ZFPM2: variants seen among roughly 807,000 people sequenced by gnomAD.
ZFPM2 encodes the protein zinc finger protein, FOG family member 2.
Under a neutral mutation model 98.6 loss-of-function variants are expected in ZFPM2, and 20 were observed. The ratio of observed to expected loss-of-function variants is 0.20; its 90% CI spans 0.14 to 0.29. ZFPM2 has a LOEUF of 0.29. Among genes scored for constraint, ZFPM2 ranks in the 10% least tolerant of loss-of-function variants. The pLI, the probability that ZFPM2 is intolerant of heterozygous loss-of-function variation, is 1.00. For synonymous variants in ZFPM2, 518 were observed against 502.7 expected (o/e 1.03, Z -0.41); for missense variants, 1,310 against 1,388.6 (o/e 0.94, Z 0.90).
intron 4 of ZFPM2, among the ~76,000 whole-genome samples, chr8:105,573,954 T>C (rs1052374004): frequency 6.6e-6 from 1 of 152,182 alleles, no homozygotes; most frequent in African/African-American, 2.4e-5. Context: ...CCCTACAACA[T>C]AGAATTGTAA....
chr8:105,510,457 C>G (rs1483794662), intron 3 of ZFPM2, among the ~76,000 whole-genome samples: 1 of 141,764 alleles, frequency 7.1e-6, no homozygotes, highest in Non-Finnish European at 1.5e-5. Context: ...TTGGAATCTT[C>G]TCTTGGAGAT....
intron 3 of ZFPM2, among the ~76,000 whole-genome samples, chr8:105,545,513 A>G (rs1289642317): frequency 1.3e-5 from 2 of 152,146 alleles, no homozygotes; most frequent in Non-Finnish European, 2.9e-5. Context: ...ATCTACACTA[A>G]ATAACTTAGA....
At chr8:105,461,226 T>C (rs1162838703) in intron 3 of ZFPM2, among the ~76,000 whole-genome samples, 1 of 152,154 alleles carries the variant, frequency 6.6e-6, no homozygotes, top group Non-Finnish European at 1.5e-5. Flanking sequence ...TCAATTCAGC[T>C]CTCTGGATTT....
intron 3 of ZFPM2, among the ~76,000 whole-genome samples, chr8:105,518,940 A>G (rs1204803745): frequency 6.6e-6 from 1 of 152,194 alleles, no homozygotes. Flanking sequence ...AACTGTTTTG[A>G]TATGTGTTAG....
intron 4 of ZFPM2, among the ~76,000 whole-genome samples, chr8:105,591,759 A>C (rs930208585): frequency 1.3e-5 from 2 of 152,200 alleles, no homozygotes; most frequent in African/African-American, 4.8e-5. Context: ...TAACACAAGC[A>C]GTTATTAAAG....
intron 6 of ZFPM2, among the ~76,000 whole-genome samples, chr8:105,790,678 C>G (rs966001030): frequency 5.9e-5 from 9 of 152,116 alleles, no homozygotes; most frequent in African/African-American, 1.4e-4. Flanking sequence ...TATAAATTAC[C>G]TTGGGCAGTA....
chr8:105,659,817 A>G (rs1288980419), intron 5 of ZFPM2, among the ~76,000 whole-genome samples: 1 of 152,220 alleles, frequency 6.6e-6, no homozygotes, highest in East Asian at 1.9e-4. Context: ...CAATTAAAGT[A>G]TAGGTATTTA....
intron 5 of ZFPM2, among the ~76,000 whole-genome samples, chr8:105,682,736 TATGCTCTAAA>T (rs572286466): frequency 5.6e-4 from 86 of 152,258 alleles, no homozygotes; most frequent in African/African-American, 2.1e-3. Flanking sequence ...AATCCAGCTG[TATGCTCTAAA>T]AGATGAGTAA....
intron 1 of ZFPM2, among the ~76,000 whole-genome samples, chr8:105,366,727 A>T (rs1251534116): frequency 2.3e-5 from 3 of 131,980 alleles, no homozygotes; most frequent in Non-Finnish European, 4.6e-5. Flanking sequence ...TGTCCATGTG[A>T]TCTCATTGTT....
chr8:105,654,952 C>T (rs981398669), intron 5 of ZFPM2, among the ~76,000 whole-genome samples: 1 of 152,066 alleles, frequency 6.6e-6, no homozygotes, highest in Non-Finnish European at 1.5e-5. Flanking sequence ...GAATTTTTGG[C>T]TTTCAACTAC....
intron 1 of ZFPM2, among the ~76,000 whole-genome samples, chr8:105,405,284 TTTATTA>T (rs780587021): frequency 1.6e-4 from 24 of 152,026 alleles, no homozygotes; most frequent in Non-Finnish European, 3.2e-4. Flanking sequence ...TTTTTTTAAT[TTTATTA>T]TTATTATACT....
chr8:105,544,578 T>A (rs1814651913), intron 3 of ZFPM2, among the ~76,000 whole-genome samples: 2 of 152,312 alleles, frequency 1.3e-5, no homozygotes, highest in South Asian at 4.1e-4. Context: ...CTGAAAAGGT[T>A]TTACTGTAAT....
chr8:105,721,656 A>AT (rs1319740920), intron 5 of ZFPM2, among the ~76,000 whole-genome samples: 1 of 151,934 alleles, frequency 6.6e-6, no homozygotes, highest in Non-Finnish European at 1.5e-5. Flanking sequence ...TTTTCACTCT[A>AT]TTTTTTGAAA....
chr8:105,689,344 T>G (rs1370201487), intron 5 of ZFPM2, among the ~76,000 whole-genome samples: 1 of 152,174 alleles, frequency 6.6e-6, no homozygotes, highest in Non-Finnish European at 1.5e-5. Flanking sequence ...GCTAAAATAT[T>G]TCATTATCTT....
At chr8:105,363,086 C>A (rs2129771569) in intron 1 of ZFPM2, among the ~76,000 whole-genome samples, 1 of 152,200 alleles carries the variant, frequency 6.6e-6, no homozygotes, top group Non-Finnish European at 1.5e-5. Context: ...CCCCACTCAC[C>A]TTTACATGGG....
intron 5 of ZFPM2, among the ~76,000 whole-genome samples, chr8:105,648,650 C>G (rs915396434): frequency 6.6e-6 from 1 of 152,132 alleles, no homozygotes; most frequent in African/African-American, 2.4e-5. Context: ...TTCCCCATTT[C>G]TTGTTTTTGT....
chr8:105,358,879 C>G (rs1031239258), intron 1 of ZFPM2, among the ~76,000 whole-genome samples: 2 of 151,994 alleles, frequency 1.3e-5, no homozygotes, highest in Middle Eastern at 3.2e-3. Context: ...CACTTGAACC[C>G]GGGAGGCAGA....
intron 1 of ZFPM2, among the ~76,000 whole-genome samples, chr8:105,320,256 T>TGTGTGTGTGTG (rs1811999090): frequency 2.8e-5 from 4 of 142,260 alleles, no homozygotes; most frequent in Non-Finnish European, 6.1e-5. Flanking sequence ...ATTCAGATCT[T>TGTGTGTGTGTG]TGTGTGTGTG....
intron 5 of ZFPM2, among the ~76,000 whole-genome samples, chr8:105,775,793 A>G (rs1813092153): frequency 6.6e-6 from 1 of 152,118 alleles, no homozygotes; most frequent in Admixed American, 6.6e-5. Context: ...AAACCCCAGA[A>G]TGCTGATGAG....
Sources: allele counts gnomAD v4.1 joint callset (sites outside exome capture counted in the v4.1 genomes callset), GRCh38; gene constraint gnomAD v4.1.1; transcripts MANE v1.5; gene names NCBI Gene and HGNC (gene_info 2026-07-23, HGNC 2026-07-21).